WDR7: variants seen among roughly 807,000 people sequenced by gnomAD.
WDR7 encodes the protein WD repeat domain 7.
In WDR7, 46 loss-of-function variants were observed where a neutral mutation model predicts 169.4. The observed-to-expected ratio is 0.27, with a 90% confidence interval of 0.21 to 0.35. WDR7 has a LOEUF of 0.35. Ranked by LOEUF, WDR7 falls within the 10% of genes least tolerant of loss-of-function variation. The pLI, the probability that WDR7 is intolerant of heterozygous loss-of-function variation, is 1.00. For missense variants in WDR7, 1,534 were observed against 1,859.3 expected, an observed-to-expected ratio of 0.83 and a Z score of 3.22; for synonymous variants, 612 against 666.8, an observed-to-expected ratio of 0.92 and a Z score of 1.27.
intron 20 of WDR7, among the ~76,000 whole-genome samples, chr18:56,833,338 G>T (rs1344426090): frequency 1.3e-5 from 2 of 152,072 alleles, no homozygotes; most frequent in Non-Finnish European, 2.9e-5. Flanking sequence ...ATGGGACTAT[G>T]TGAAAATATG....
intron 19 of WDR7, among the ~76,000 whole-genome samples, chr18:56,792,899 C>T (rs72921083): frequency 0.16 from 24,422 of 151,938 alleles, 2,320 homozygotes; most frequent in Non-Finnish European, 0.2. Context: ...TGTTGTCATG[C>T]GGGACAACTT....
intron 25 of WDR7, among the ~76,000 whole-genome samples, chr18:56,956,932 G>A (rs1212298165): frequency 6.6e-6 from 1 of 152,110 alleles, no homozygotes. Flanking sequence ...ATGAAGTTTG[G>A]TAATACCAAG....
chr18:56,999,414 A>G (rs1188130649), intron 26 of WDR7, among the ~76,000 whole-genome samples: 1 of 152,230 alleles, frequency 6.6e-6, no homozygotes, highest in Non-Finnish European at 1.5e-5. Flanking sequence ...ATAATGGTTT[A>G]TGTATTAAAC....
intron 26 of WDR7, among the ~76,000 whole-genome samples, chr18:56,983,738 T>C (rs923235518): frequency 8.5e-5 from 13 of 152,184 alleles, no homozygotes; most frequent in Non-Finnish European, 1.8e-4. Flanking sequence ...AGCATCTTAC[T>C]AAACAATATA....
intron 20 of WDR7, among the ~76,000 whole-genome samples, chr18:56,825,678 A>G (rs1464761783): frequency 8.5e-5 from 13 of 152,162 alleles, no homozygotes; most frequent in Admixed American, 8.5e-4. Context: ...AGAAACACAT[A>G]TATTATGACT....
At chr18:56,897,882 TATAA>T (rs546477851) in intron 21 of WDR7, among the ~76,000 whole-genome samples, 168 of 152,098 alleles carry the variant, frequency 1.1e-3, no homozygotes, top group African/African-American at 3.8e-3. Flanking sequence ...TAGAAATAAA[TATAA>T]ATACTTTTTT....
chr18:56,889,114 A>C (rs1331864313), intron 21 of WDR7, among the ~76,000 whole-genome samples: 1 of 152,156 alleles, frequency 6.6e-6, no homozygotes, highest in Admixed American at 6.5e-5. Context: ...AAGCCCACAG[A>C]GGGATTCCAC....
intron 22 of WDR7, among the ~76,000 whole-genome samples, chr18:56,930,047 A>G (rs1284138335): frequency 1.3e-5 from 2 of 152,202 alleles, no homozygotes; most frequent in Admixed American, 6.5e-5. Context: ...ACAGTGGAGC[A>G]GTGCCGGCCC....
In WDR7 at chr18:57,020,854, G is replaced by A; in HGVS notation, c.4269+5G>A. 1.2e-6 allele frequency: 2 copies of A among 1,613,818 alleles called. No homozygotes were observed. The highest frequency in any genetic ancestry group is 2.2e-5 in the East Asian group (1 of 44,886). ...AGCCACATTTCTTTTTGGCAGGTAA[G>A]AGTAGATGCTCCAGGGTCTTAAAGC... On this transcript the variant is annotated splice_donor_5th_base_variant and intron_variant, in intron 27 of 27. Transcript: ENST00000254442.
At chr18:56,681,269 T>A in intron 3 of WDR7, 44 bp from the exon 4 acceptor site, 2 of 1,326,256 alleles carry the variant, frequency 1.5e-6, no homozygotes, top group Non-Finnish European at 2.1e-6. Context: ...TGAATGGTGC[T>A]TTAAAAAGTC....
intron 20 of WDR7, among the ~76,000 whole-genome samples, chr18:56,843,834 A>C (rs1471823678): frequency 2.1e-5 from 3 of 141,872 alleles, no homozygotes; most frequent in Admixed American, 1.4e-4. Flanking sequence ...CCTCATCAAC[A>C]CTCGATATTT....
At chr18:57,032,827 A>ATATATATG (rs1568036586), downstream of WDR7, 2 of 111,868 alleles carry the variant, frequency 1.8e-5, no homozygotes, top group African/African-American at 8.4e-5. Context: ...ATATATATAT[A>ATATATATG]TATATATATA....
chr18:56,786,486 G>A (rs12458818), intron 19 of WDR7, among the ~76,000 whole-genome samples: 86,766 of 151,032 alleles, frequency 0.57, 26,144 homozygotes, highest in South Asian at 0.69. Flanking sequence ...CCAAGATCGC[G>A]CCACTGCACT....
At chr18:56,816,199 G>A (rs891983836) in intron 20 of WDR7, 55 bp downstream of exon 20, 21 of 1,456,600 alleles carry the variant, frequency 1.4e-5, no homozygotes, top group Non-Finnish European at 1.6e-5. Flanking sequence ...ATTGCAAAAT[G>A]TTTTCTAGGT....
intron 26 of WDR7, among the ~76,000 whole-genome samples, chr18:56,966,310 C>A (rs993768028): frequency 6.6e-6 from 1 of 151,836 alleles, no homozygotes; most frequent in Non-Finnish European, 1.5e-5. Context: ...CCCCCTCTTA[C>A]ACCTCCTTCA....
intron 26 of WDR7, among the ~76,000 whole-genome samples, chr18:57,017,587 A>G (rs1379756001): frequency 6.6e-6 from 1 of 152,018 alleles, no homozygotes; most frequent in Non-Finnish European, 1.5e-5. Context: ...TAAACTCAGT[A>G]TATGACAGGA....
intron 19 of WDR7, among the ~76,000 whole-genome samples, chr18:56,800,187 T>C (rs2044649020): frequency 6.6e-6 from 1 of 152,226 alleles, no homozygotes; most frequent in South Asian, 2.1e-4. Flanking sequence ...CCAGAGGCAA[T>C]GATTGGTGCT....
chr18:56,769,287 G>A (rs1026726486), intron 16 of WDR7, among the ~76,000 whole-genome samples: 2 of 151,060 alleles, frequency 1.3e-5, no homozygotes, highest in Admixed American at 6.6e-5. Context: ...TGGTGCAATC[G>A]TGGCTTACCG....
chr18:56,709,727 A>G (rs1255184786), intron 12 of WDR7, among the ~76,000 whole-genome samples: 1 of 152,210 alleles, frequency 6.6e-6, no homozygotes, highest in East Asian at 1.9e-4. Flanking sequence ...AGTTTTCTCC[A>G]ATTTTTGTCA....
Sources: gnomAD v4.1 joint callset for allele counts (sites outside exome capture counted in the v4.1 genomes callset) on GRCh38, gnomAD v4.1.1 for gene constraint, MANE v1.5 for transcripts, NCBI Gene and HGNC (gene_info 2026-07-23, HGNC 2026-07-21) for gene names.